EGFL6: variants seen among roughly 807,000 people sequenced by gnomAD.
EGFL6 encodes EGF like domain multiple 6.
EGFL6 carries 42 observed loss-of-function variants against 43.1 expected under a neutral mutation model. That is an observed-to-expected ratio of 0.98 (90% CI 0.76 to 1.26). EGFL6 has a LOEUF of 1.26. EGFL6 is among the 50% of genes most tolerant of loss of function. The pLI, the probability that EGFL6 is intolerant of heterozygous loss-of-function variation, is 0.00. For missense variants in EGFL6, 429 were observed against 427.8 expected (o/e 1.00, Z -0.02); for synonymous variants, 164 against 163.2 (o/e 1.01, Z -0.04).
chrX:13,621,635 C>T (rs753189445), intron 9 of EGFL6, among the ~76,000 whole-genome samples: 31 of 112,095 alleles, frequency 2.8e-4, no homozygotes, highest in Non-Finnish European at 4.1e-4. Flanking sequence ...GAGGGCTGTC[C>T]CTGGGAAAAT....
intron 2 of EGFL6, among the ~76,000 whole-genome samples, chrX:13,592,212 GC>G (rs1368659352): frequency 3.0e-5 from 2 of 67,495 alleles, no homozygotes; most frequent in African/African-American, 1.0e-4. Flanking sequence ...GGTCTTCAGG[GC>G]TTAAAAAAAA....
chrX:13,624,989 A>C (rs1489107982), intron 10 of EGFL6: 2 of 112,019 alleles, frequency 1.8e-5, no homozygotes, highest in African/African-American at 6.5e-5. Context: ...TCTTGTTGAT[A>C]ACTAACCTGA....
chrX:13,600,280 CTTTTTTTT>C (rs1231725425), intron 4 of EGFL6, among the ~76,000 whole-genome samples, 186 bp downstream of exon 4: 1 of 44,278 alleles, frequency 2.3e-5, no homozygotes, highest in Non-Finnish European at 3.8e-5. Flanking sequence ...TTTCTTTCTT[CTTTTTTTT>C]TTTTTTTTTT....
intron 4 of EGFL6, among the ~76,000 whole-genome samples, chrX:13,600,754 T>TA (rs2045629900): frequency 1.5e-5 from 1 of 67,829 alleles, no homozygotes; most frequent in Admixed American, 1.5e-4. Context: ...AAAAAAAAAA[T>TA]ACAAAAATTA....
In EGFL6 at chrX:13,608,408, G is replaced by A; in HGVS notation, c.740G>A (p.Cys247Tyr). ...FNTQGSFKCK[C>Y]KQGYKGNGLR... ...ACCCAAGGGTCCTTCAAGTGTAAAT[G>A]CAAGCAGGGATATAAAGGCAATGGA... The change falls in exon 7 of 12, where the codon TGC becomes TAC. Residue 247 changes from cysteine (C) to tyrosine (Y), a missense_variant. By Grantham distance (194) the Cys-to-Tyr change is radical (BLOSUM62 -2). Transcript: ENST00000361306. 7 of 1,210,920 alleles carry A rather than the reference G, an allele frequency of 5.8e-6. No homozygotes were observed. Among genetic ancestry groups the A allele is most frequent in the Non-Finnish European group, 7.8e-6 (7 of 894,916 alleles).
At chrX:13,574,028 G>A (rs1337709853) in intron 1 of EGFL6, among the ~76,000 whole-genome samples, 1 of 112,059 alleles carries the variant, frequency 8.9e-6, no homozygotes, top group Non-Finnish European at 1.9e-5. Context: ...GTGACCCCAG[G>A]AAGTTCTGGT....
At chrX:13,589,878 C>G (rs2045554389) in intron 2 of EGFL6, among the ~76,000 whole-genome samples, 1 of 112,753 alleles carries the variant, frequency 8.9e-6, no homozygotes, top group Admixed American at 9.4e-5. Context: ...TTTTAGAAGA[C>G]TGTCTTGTCA....
chrX:13,576,281 C>T (rs1211544876), intron 1 of EGFL6, among the ~76,000 whole-genome samples: 2 of 110,797 alleles, frequency 1.8e-5, no homozygotes, highest in South Asian at 7.8e-4. Context: ...AGGTGCCACA[C>T]ACTCATACAC....
chrX:13,593,265 G>A lies in EGFL6; in HGVS notation c.188-1571G>A, dbSNP rs7892566. ...ATGATACCTGTACTGTATTCAGGAG[G>A]GAACAAAGATTATATTATGACCTCT... On this transcript the variant is annotated intron_variant, in intron 2 of 11. Coordinates refer to ENST00000361306, the MANE Select transcript of EGFL6 (RefSeq NM_015507.4). 8.7e-3 allele frequency among the ~76,000 whole-genome samples: 966 copies of A among 111,158 alleles called. 11 individuals carry two copies. Among genetic ancestry groups the A allele is most frequent in the African/African-American group, 0.03 (915 of 30,516 alleles).
intron 7 of EGFL6, 121 bp from the exon 8 acceptor site, chrX:13,617,609 C>G (rs1321139954): frequency 3.6e-6 from 2 of 561,010 alleles, no homozygotes; most frequent in Admixed American, 6.3e-5. Context: ...ATAGTAGAGC[C>G]TCATGTGGGT....
In EGFL6 at chrX:13,594,931, C is replaced by G. The variant is rs1218890259; in HGVS notation, c.280+3C>G. 1 of 1,192,203 alleles carries G rather than the reference C, an allele frequency of 8.4e-7. No homozygotes were observed. The highest frequency in any genetic ancestry group is 1.8e-5 in the African/African-American group (1 of 56,650). On this transcript the variant is annotated splice_donor_region_variant and intron_variant, in intron 3 of 11. Transcript: ENST00000361306. ...CACCGGGAAAACCTGCAGTCAAGGT[C>G]AGTAAGGTAGCCCAGGGTCATAGTT...
rs2045429311 is a variant in EGFL6 at position 13,569,810 on chromosome X, C to T, written c.-52C>T. ...GCGGCTTAGCTGCTACGGGGTCCGG[C>T]CGGCGCCCTCCCGAGGGGGGCTCAG... On this transcript the variant is annotated 5_prime_UTR_variant, in exon 1 of 12. Coordinates refer to ENST00000361306, the MANE Select transcript of EGFL6 (RefSeq NM_015507.4). 3 of 1,175,823 alleles carry T rather than the reference C, an allele frequency of 2.6e-6. No individual in the cohort carries two copies. The highest frequency in any genetic ancestry group is 3.0e-5 in the East Asian group (1 of 33,485).
chrX:13,583,343 T>A (rs777439981), intron 1 of EGFL6, among the ~76,000 whole-genome samples: 2 of 111,157 alleles, frequency 1.8e-5, no homozygotes, highest in Admixed American at 1.9e-4. Context: ...CCCCATTTCC[T>A]CCAGAACACC....
chrX:13,600,282 T>C (rs868458102), intron 4 of EGFL6, among the ~76,000 whole-genome samples, 188 bp downstream of exon 4: 2 of 74,694 alleles, frequency 2.7e-5, no homozygotes, highest in Admixed American at 1.4e-4. Flanking sequence ...TCTTTCTTCT[T>C]TTTTTTTTTT....
intron 2 of EGFL6, among the ~76,000 whole-genome samples, chrX:13,591,978 T>C (rs1298434239): frequency 7.1e-5 from 8 of 112,116 alleles, no homozygotes; most frequent in Admixed American, 3.8e-4. Flanking sequence ...GTCTAAATCA[T>C]GCTTCAATCT....
At chrX:13,594,506 G>A (rs1458871381) in intron 2 of EGFL6, among the ~76,000 whole-genome samples, 4 of 112,109 alleles carry the variant, frequency 3.6e-5, no homozygotes, top group Non-Finnish European at 5.6e-5. Context: ...AAATATGGAG[G>A]AGATGAAACG....
At chrX:13,619,626 C>T (rs1379043809) in intron 9 of EGFL6, among the ~76,000 whole-genome samples, 2 of 111,959 alleles carry the variant, frequency 1.8e-5, no homozygotes, top group Non-Finnish European at 3.8e-5. Flanking sequence ...TTACCTATTG[C>T]CATAATAATG....
intron 7 of EGFL6, among the ~76,000 whole-genome samples, chrX:13,611,264 G>A (rs955988130): frequency 8.9e-6 from 1 of 111,864 alleles, no homozygotes; most frequent in African/African-American, 3.3e-5. Context: ...AGAGAGCTTA[G>A]TTTAGCGGGA....
At chrX:13,579,037 G>A (rs1017471610) in intron 1 of EGFL6, among the ~76,000 whole-genome samples, 8 of 111,150 alleles carry the variant, frequency 7.2e-5, no homozygotes, top group African/African-American at 9.8e-5. Flanking sequence ...TGGGGCTTGG[G>A]GTTTTTTTAA....
Sources: allele counts gnomAD v4.1 joint callset (sites outside exome capture counted in the v4.1 genomes callset), GRCh38; gene constraint gnomAD v4.1.1; transcripts MANE v1.5; gene names NCBI Gene and HGNC (gene_info 2026-07-23, HGNC 2026-07-21).